The following EIF3H variants were observed in gnomAD, a reference collection of about 807,000 sequenced individuals.
EIF3H encodes the protein eukaryotic translation initiation factor 3 subunit H, also known as eIF-3-gamma.
A neutral mutation model predicts 44.2 loss-of-function variants in EIF3H; 26 were observed. The ratio of observed to expected loss-of-function variants is 0.59; its 90% CI spans 0.43 to 0.82. The LOEUF is 0.82. EIF3H is among the 40% of genes least tolerant of loss of function. EIF3H has a pLI of 0.00. For synonymous variants in EIF3H, 166 were observed against 151.9 expected, an observed-to-expected ratio of 1.09 and a Z score of -0.68; for missense variants, 359 against 432.8, an observed-to-expected ratio of 0.83 and a Z score of 1.51.
Position 116,646,531 on chromosome 8 carries a change from G to A in EIF3H, c.901C>T (p.Leu301=). The A allele has an allele frequency of 1.2e-6, 2 of 1,614,180 alleles. No individual in the cohort carries two copies. The highest frequency in any genetic ancestry group is 2.7e-5 in the African/African-American group (2 of 75,048). The change falls in exon 7 of 8, where the codon CTG becomes TTG. Residue 301 remains leucine, a synonymous_variant. Transcript: ENST00000521861. ...TGTGGTGGTTTGAAGAGTTTGGACA[G>A]GTCCTCCTCAGGGAGCGGGGGTTCT... ...RGEPPLPEED[L]SKLFKPPQPP...
chr8:116,721,065 A>T (rs942119909), intron 2 of EIF3H, among the ~76,000 whole-genome samples: 5 of 152,182 alleles, frequency 3.3e-5, no homozygotes, highest in African/African-American at 1.2e-4. Context: ...AAATGTCTCC[A>T]GGGCACGTCG....
rs140700975 is a variant in EIF3H, at chr8:116,720,761, A to G, written c.289+5255T>C. On this transcript the variant is annotated intron_variant, in intron 2 of 7. Coordinates refer to ENST00000521861, the MANE Select transcript of EIF3H (RefSeq NM_003756.3). ...GGAACTTGTTGGGAACTGTAATAAA[A>G]ATGACTCTTGCTATGTTTTAGCAAA... Among the ~76,000 whole-genome samples, 54 of 152,214 alleles carry G rather than the reference A, an allele frequency of 3.5e-4. No individual in the cohort carries two copies. The East Asian group carries it at 9.7e-3, about 27-fold the overall frequency.
At chr8:116,722,820 A>C (rs1814772906) in intron 2 of EIF3H, among the ~76,000 whole-genome samples, 1 of 152,202 alleles carries the variant, frequency 6.6e-6, no homozygotes, top group East Asian at 1.9e-4. Flanking sequence ...TTCTGTTCTC[A>C]GTTTTCCAAT....
At chr8:116,731,947 T>C (rs555244382) in intron 1 of EIF3H, among the ~76,000 whole-genome samples, 1 of 152,358 alleles carries the variant, frequency 6.6e-6, no homozygotes, top group African/African-American at 2.4e-5. Flanking sequence ...AACTACTCTA[T>C]GTGCCCTAAA....
intron 2 of EIF3H, among the ~76,000 whole-genome samples, chr8:116,714,382 A>G (rs1159575641): frequency 6.6e-6 from 1 of 152,068 alleles, no homozygotes; most frequent in Non-Finnish European, 1.5e-5. Flanking sequence ...GTCTGGACTT[A>G]TATCAATTCT....
chr8:116,691,339 C>T (rs534572227), intron 2 of EIF3H, among the ~76,000 whole-genome samples: 5 of 152,284 alleles, frequency 3.3e-5, no homozygotes, highest in South Asian at 2.1e-4. Flanking sequence ...CAAGCTCCTA[C>T]AAACCTGGGG....
chr8:116,701,850 C>G (rs1814381012), intron 2 of EIF3H, among the ~76,000 whole-genome samples: 1 of 152,122 alleles, frequency 6.6e-6, no homozygotes, highest in Non-Finnish European at 1.5e-5. Context: ...CCTACATCAA[C>G]AGAAAAAGAA....
At chr8:116,755,968 A>G (rs188412199), upstream of EIF3H, 162 of 1,536,302 alleles carry the variant, frequency 1.1e-4, no homozygotes, top group African/African-American at 1.6e-3. Context: ...TCCAGGCGGT[A>G]TCCTTTGTGC....
chr8:116,684,327 CAG>C (rs1489709835), intron 2 of EIF3H, among the ~76,000 whole-genome samples: 3 of 152,110 alleles, frequency 2.0e-5, no homozygotes, highest in East Asian at 1.9e-4. Context: ...GTAGAAAAAA[CAG>C]AGAGTGAATT....
chr8:116,692,909 G>C (rs1814203427), intron 2 of EIF3H, among the ~76,000 whole-genome samples: 1 of 152,012 alleles, frequency 6.6e-6, no homozygotes, highest in African/African-American at 2.4e-5. Context: ...TTTTATCTTT[G>C]TATCAATATA....
chr8:116,661,704 CAAAT>C (rs1813589095), intron 2 of EIF3H, among the ~76,000 whole-genome samples: 2 of 152,176 alleles, frequency 1.3e-5, no homozygotes, highest in South Asian at 2.1e-4. Context: ...AGTCTGTCCT[CAAAT>C]AGCCTGAATA....
intron 2 of EIF3H, among the ~76,000 whole-genome samples, chr8:116,706,505 T>G (rs897906179): frequency 1.2e-4 from 18 of 152,252 alleles, no homozygotes; most frequent in African/African-American, 4.3e-4. Flanking sequence ...ATAAATTATG[T>G]GAGATATTTA....
chr8:116,739,522 C>T (rs1403732881), intron 1 of EIF3H, among the ~76,000 whole-genome samples: 1 of 152,152 alleles, frequency 6.6e-6, no homozygotes, highest in Non-Finnish European at 1.5e-5. Context: ...TGGTGATGGG[C>T]GCCTGCAGTC....
chr8:116,672,038 T>C (rs1423269529), intron 2 of EIF3H, among the ~76,000 whole-genome samples: 3 of 152,106 alleles, frequency 2.0e-5, no homozygotes, highest in Admixed American at 1.3e-4. Flanking sequence ...AATGAAAAAA[T>C]TGTCTGGTTT....
chr8:116,677,689 CAT>C (rs1482872366), intron 2 of EIF3H, among the ~76,000 whole-genome samples: 2 of 152,216 alleles, frequency 1.3e-5, no homozygotes, highest in African/African-American at 4.8e-5. Context: ...CCAATCGTCA[CAT>C]GTGTAACTTG....
chr8:116,736,302 T>C (rs1449738907), intron 1 of EIF3H, among the ~76,000 whole-genome samples: 1 of 152,138 alleles, frequency 6.6e-6, no homozygotes, highest in African/African-American at 2.4e-5. Flanking sequence ...TATTAATACA[T>C]CTTGATTGTG....
At chr8:116,685,514 C>T (rs962200024) in intron 2 of EIF3H, among the ~76,000 whole-genome samples, 1 of 152,156 alleles carries the variant, frequency 6.6e-6, no homozygotes, top group Non-Finnish European at 1.5e-5. Flanking sequence ...GATTACATCC[C>T]TTCCCCAAAT....
At chr8:116,760,287 GA>G (rs951881949), upstream of EIF3H, among the ~76,000 whole-genome samples, 2 of 152,114 alleles carry the variant, frequency 1.3e-5, no homozygotes, top group Non-Finnish European at 2.9e-5. Flanking sequence ...CCCAGTCATA[GA>G]AAAAAGATCT....
intron 1 of EIF3H, among the ~76,000 whole-genome samples, chr8:116,727,260 C>A (rs568615188): frequency 6.6e-6 from 1 of 152,060 alleles, no homozygotes; most frequent in Non-Finnish European, 1.5e-5. Context: ...AACCTGCTCC[C>A]GCCAAAGTGG....
Sources: allele counts gnomAD v4.1 joint callset (sites outside exome capture counted in the v4.1 genomes callset), GRCh38; gene constraint gnomAD v4.1.1; transcripts MANE v1.5; gene names NCBI Gene and HGNC (gene_info 2026-07-23, HGNC 2026-07-21).